The following ARAP1 variants were observed in gnomAD, a reference collection of about 807,000 sequenced individuals.
ARAP1 encodes the protein ArfGAP with RhoGAP domain, ankyrin repeat and PH domain 1.
A neutral mutation model predicts 172.2 loss-of-function variants in ARAP1; 76 were observed. The observed-to-expected ratio is 0.44, with a 90% CI of 0.37 to 0.53. The LOEUF (loss-of-function observed/expected upper bound fraction) is 0.53. Among genes scored for constraint, ARAP1 ranks in the 20% least tolerant of loss-of-function variants. The pLI is 0.00. For synonymous variants in ARAP1, 804 were observed against 803.3 expected (o/e 1.00, Z -0.01); for missense variants, 1,686 against 1,977.5 (o/e 0.85, Z 2.80).
At chr11:72,744,708 T>C (rs2135593510) in intron 1 of ARAP1, among the ~76,000 whole-genome samples, 1 of 152,210 alleles carries the variant, frequency 6.6e-6, no homozygotes, top group South Asian at 2.1e-4. Context: ...TCAGGCAACA[T>C]TAGAGATACT....
chr11:72,716,793 C>T (rs1214227554), intron 3 of ARAP1, among the ~76,000 whole-genome samples: 3 of 152,186 alleles, frequency 2.0e-5, no homozygotes, highest in African/African-American at 4.8e-5. Flanking sequence ...TGGCTCGGAT[C>T]GCTTCAAAGA....
At chr11:72,722,352 G>A (rs758126590) in intron 3 of ARAP1, 1 of 985,480 alleles carries the variant, frequency 1.0e-6, no homozygotes. Context: ...CTGAGAAAGC[G>A]AAAAGTCACC....
chr11:72,723,890 G>A (rs535071519), intron 3 of ARAP1, among the ~76,000 whole-genome samples: 1 of 152,316 alleles, frequency 6.6e-6, no homozygotes, highest in East Asian at 1.9e-4. Flanking sequence ...GGCAGCACAT[G>A]TACACACACG....
At position 72,712,981 on chromosome 11, in the gene ARAP1, C is replaced by T. The variant is rs1248799118; in HGVS notation, c.747+195G>A. 1.9e-5 allele frequency: 12 copies of T among 642,312 alleles called. No homozygotes were observed. In the Admixed American group the frequency reaches 2.1e-4, roughly 11 times the overall value. 39.8% of individuals were successfully genotyped at this position (642,312 alleles called of 1,614,324 possible). A position where few individuals can be genotyped will look rare whatever the true frequency, so the allele number is the denominator to read the frequency against. ...AGGGCCTGGGGGAGCCACACCAGAG[C>T]CCCGACCCCTGGCCCAGAGCGCTGT... is the stretch of plus-strand genomic sequence containing the variant. On this transcript the variant is annotated intron_variant, in intron 5 of 34. Transcript: ENST00000393609.
At chr11:72,714,395 C>T in intron 3 of ARAP1, 74 bp from the exon 4 acceptor site, 2 of 1,444,544 alleles carry the variant, frequency 1.4e-6, no homozygotes, top group Non-Finnish European at 1.9e-6. Context: ...CCCCAGCTCA[C>T]CTGAACTGCA....
At chr11:72,685,944 C>T (rs1235721778) in intron 34 of ARAP1, 98 bp downstream of exon 34, 11 of 1,600,614 alleles carry the variant, frequency 6.9e-6, no homozygotes, top group Admixed American at 1.7e-5. Context: ...GGAGGGCAAT[C>T]GGGGAGGGCA....
chr11:72,706,640 G>C (rs564647016), intron 12 of ARAP1, among the ~76,000 whole-genome samples: 36 of 152,306 alleles, frequency 2.4e-4, no homozygotes, highest in Non-Finnish European at 3.8e-4. Context: ...CCCCAGGCCA[G>C]GCTTCCTCCT....
chr11:72,727,223 T>A, intron 2 of ARAP1, 51 bp from the exon 3 acceptor site: 1 of 1,410,564 alleles, frequency 7.1e-7, no homozygotes, highest in African/African-American at 1.4e-5. Context: ...CGAGGATTGG[T>A]CCCCTCACCA....
In ARAP1 at chr11:72,704,297, A is replaced by T; in HGVS notation, c.1847T>A (p.Phe616Tyr). Residue 616 changes from phenylalanine (F) to tyrosine (Y), a missense_variant, in exon 14 of 35, where the codon TTC becomes TAC. Phe to Tyr is a conservative substitution (Grantham distance 22, BLOSUM62 3). Coordinates refer to ENST00000393609, the MANE Select transcript of ARAP1 (RefSeq NM_001040118.3). ...LQLGNGAGNR[F>Y]WAANVPPSEA... ...ACTGGGGGGCACGTTGGCTGCCCAG[A>T]AGCGGTTCCCAGCGCCATTCCCCAG... 6.2e-7 allele frequency: 1 copy of T among 1,608,040 alleles called. No individual in the cohort carries two copies. The highest frequency in any genetic ancestry group is 8.5e-7 in the Non-Finnish European group (1 of 1,176,938).
At chr11:72,751,932 C>A (rs764978161) in intron 1 of ARAP1, among the ~76,000 whole-genome samples, 1 of 152,164 alleles carries the variant, frequency 6.6e-6, no homozygotes, top group Non-Finnish European at 1.5e-5. Flanking sequence ...AGTAGCCTGC[C>A]CAAGGTCACT....
intron 1 of ARAP1, among the ~76,000 whole-genome samples, chr11:72,747,927 C>T (rs1858418619): frequency 6.6e-6 from 1 of 152,182 alleles, no homozygotes; most frequent in Non-Finnish European, 1.5e-5. Flanking sequence ...CTAGGCATTC[C>T]CAGGGTAGGA....
chr11:72,703,117 T>C, intron 14 of ARAP1, 38 bp from the exon 15 acceptor site: 4 of 1,484,614 alleles, frequency 2.7e-6, no homozygotes, highest in Non-Finnish European at 3.6e-6. Flanking sequence ...CAAGAAGGAG[T>C]AGGGGGCCCA....
chr11:72,731,745 C>T (rs966854730), intron 2 of ARAP1, among the ~76,000 whole-genome samples: 3 of 152,188 alleles, frequency 2.0e-5, no homozygotes, highest in Non-Finnish European at 4.4e-5. Flanking sequence ...GAGCCCTGCA[C>T]CTCAAACTCC....
chr11:72,696,798 AG>A, intron 22 of ARAP1, 144 bp from the exon 23 acceptor site: 1 of 938,190 alleles, frequency 1.1e-6, no homozygotes, highest in South Asian at 1.7e-5. Context: ...AACCAGGGTA[AG>A]GAACTCTCGG....
rs1857710793 is a variant in ARAP1 at position 72,726,936 on chromosome 11, G to A, written c.193C>T (p.Leu65Phe). 1 of 1,596,230 alleles carries A rather than the reference G, an allele frequency of 6.3e-7. No individual in the cohort carries two copies. ...GGGGCCGGTGAGGTATGGGCACGGAGCAGGCCAGCCAGGATGCGGCGGCGG... is the reference window on the plus strand; with the variant it reads ...GGGGCCGGTGAGGTATGGGCACGGAACAGGCCAGCCAGGATGCGGCGGCGG... Reference protein sequence around the residue: ...GHRRRILAGLLRAHTSPAPAP... With the variant: ...GHRRRILAGLFRAHTSPAPAP... The change falls in exon 3 of 35, where the codon CTC becomes TTC. Residue 65 changes from leucine to phenylalanine, a missense_variant. By Grantham distance (22) the Leu-to-Phe change is conservative. Around this residue, in one of 5 missense-constraint regions of ARAP1, gnomAD observed 190 missense variants for 228.6 expected, o/e 0.83. Coordinates refer to ENST00000393609, the MANE Select transcript of ARAP1 (RefSeq NM_001040118.3). The surrounding 1 kb of genome is among the most constrained non-coding windows in gnomAD (Gnocchi z 6.5).
intron 8 of ARAP1, 53 bp from the exon 9 acceptor site, chr11:72,711,194 C>T: frequency 6.2e-7 from 1 of 1,602,776 alleles, no homozygotes; most frequent in South Asian, 1.1e-5. Flanking sequence ...GCTGACTCCC[C>T]CAGCCTCAGC....
In ARAP1 at chr11:72,712,219, C is replaced by G. The variant is rs756240630; in HGVS notation, c.999G>C (p.Trp333Cys). ...ACCCCTGCGGTGGGTTCTTGTCCAG[C>G]CAGCCAGCCTTGATGACTGGTGTGA... ...TPVTPVIKAG[W>C]LDKNPPQGSY... The change falls in exon 7 of 35, where the codon TGG (tryptophan) becomes TGC (cysteine). Residue 333 changes from tryptophan to cysteine, a missense_variant. Physicochemically the swap from Trp to Cys is radical, Grantham distance 215. Around this residue, in one of 5 missense-constraint regions of ARAP1, gnomAD observed 688 missense variants for 856.9 expected, o/e 0.80. Transcript: ENST00000393609. The G allele has an allele frequency of 6.2e-7, 1 of 1,606,992 alleles. No homozygotes were observed. Among genetic ancestry groups the G allele is most frequent in the Non-Finnish European group, 8.5e-7 (1 of 1,177,650 alleles).
chr11:72,701,603 G>A (rs199587069), intron 16 of ARAP1, 46 bp downstream of exon 16: 59 of 1,588,336 alleles, frequency 3.7e-5, no homozygotes, highest in East Asian at 1.8e-4. Flanking sequence ...CCCTGCAGCC[G>A]TGACCAGATG....
rs1591208200 is a variant in ARAP1 at position 72,712,496 on chromosome 11, A to G, written c.820T>C (p.Ser274Pro). Residue 274 changes from serine (S) to proline (P), a missense_variant, in exon 6 of 35, where the codon TCT becomes CCT. By Grantham distance (74) the Ser-to-Pro change is moderately conservative. This residue lies in a region of ARAP1 where 688 missense variants were observed against 856.9 expected (regional missense o/e 0.80). Transcript: ENST00000393609. ...TCCTCATCCCCTTGGTCGTCCCCAG[A>G]CAGTTCCTCTCCCTCGCTCAGCAGA... ...ASLLSEGEELSGDDQGDEEED... is the reference protein window; with the variant it reads ...ASLLSEGEELPGDDQGDEEED... The G allele has an allele frequency of 1.2e-6, 2 of 1,613,102 alleles. No homozygotes were observed. Among genetic ancestry groups the G allele is most frequent in the Non-Finnish European group, 1.7e-6 (2 of 1,179,500 alleles).
Sources: allele counts gnomAD v4.1 joint callset (sites outside exome capture counted in the v4.1 genomes callset), GRCh38; gene constraint gnomAD v4.1.1; regional missense constraint gnomAD v4.1.1; non-coding constraint Gnocchi (gnomAD v3.1); transcripts MANE v1.5; gene names NCBI Gene and HGNC (gene_info 2026-07-23, HGNC 2026-07-21).